The following CX3CR1 variants were observed in gnomAD, a reference collection of about 807,000 sequenced individuals.
CX3CR1 encodes C-X3-C motif chemokine receptor 1.
For synonymous variants in CX3CR1, 168 were observed against 178.5 expected (o/e 0.94, Z 0.47); for missense variants, 363 against 432.4 (o/e 0.84, Z 1.42).
At chr3:39,266,632 CACT>C in intron 1 of CX3CR1, 114 bp from the exon 2 acceptor site, 1 of 1,017,406 alleles carries the variant, frequency 9.8e-7, no homozygotes, top group Non-Finnish European at 1.6e-6. Context: ...GTTGGGTGCA[CACT>C]ACATTTCCCA....
At chr3:39,275,083 A>G (rs2040823994) in intron 1 of CX3CR1, among the ~76,000 whole-genome samples, 1 of 152,122 alleles carries the variant, frequency 6.6e-6, no homozygotes, top group Admixed American at 6.5e-5. Flanking sequence ...GCTGATCTCA[A>G]ATTCCTGACT....
upstream of CX3CR1, among the ~76,000 whole-genome samples, chr3:39,284,862 G>A (rs1252607281): frequency 6.6e-6 from 1 of 152,136 alleles, no homozygotes; most frequent in Non-Finnish European, 1.5e-5. Flanking sequence ...GGTGGAAGAC[G>A]GAGAAGGGAT....
At chr3:39,287,336 T>C in the CX3CR1 span, 1 of 152,260 alleles carries the variant, frequency 6.6e-6, no homozygotes, top group Non-Finnish European at 1.5e-5. Flanking sequence ...TTTTGCTGTT[T>C]ACTGTCGTGC....
At chr3:39,283,841 A>AC (rs71085352), upstream of CX3CR1, among the ~76,000 whole-genome samples, 1 of 109,892 alleles carries the variant, frequency 9.1e-6, no homozygotes, top group Non-Finnish European at 1.9e-5. Context: ...ATATATATAT[A>AC]ATGTGGTTAA....
At chr3:39,268,767 A>G (rs1472531112) in intron 1 of CX3CR1, among the ~76,000 whole-genome samples, 1 of 152,188 alleles carries the variant, frequency 6.6e-6, no homozygotes, top group Non-Finnish European at 1.5e-5. Context: ...CTCTGAGCCT[A>G]ACATTCCTTG....
chr3:39,269,531 A>C (rs890999728), intron 1 of CX3CR1, among the ~76,000 whole-genome samples: 1 of 152,234 alleles, frequency 6.6e-6, no homozygotes, highest in Admixed American at 6.5e-5. Flanking sequence ...AAGTGGGTGA[A>C]TGTATCTTCT....
Position 39,266,263 on chromosome 3 carries a change from T to A in CX3CR1, c.247A>T (p.Thr83Ser). Residue 83 changes from threonine to serine, a missense_variant, in exon 2 of 2, where the codon ACT becomes TCT. By Grantham distance (58) the Thr-to-Ser change is moderately conservative (BLOSUM62 1). Coordinates refer to ENST00000399220, the MANE Select transcript of CX3CR1 (RefSeq NM_001337.4). ...LALSDLLFVA[T>S]LPFWTHYLIN... ...AAATAGTGAGTCCAGAAGGGCAAAG[T>A]GGCTACAAACAGCAGATCAGACAAG... 6.2e-7 allele frequency: 1 copy of A among 1,614,156 alleles called. No individual in the cohort carries two copies. Among genetic ancestry groups the A allele is most frequent in the Non-Finnish European group, 8.5e-7 (1 of 1,180,030 alleles).
chr3:39,271,483 C>T (rs925356584), intron 1 of CX3CR1, among the ~76,000 whole-genome samples: 6 of 152,252 alleles, frequency 3.9e-5, no homozygotes, highest in Non-Finnish European at 5.9e-5. Flanking sequence ...CAGCTCTCCA[C>T]AGTCAGAAGA....
At chr3:39,274,371 G>A (rs907961927) in intron 1 of CX3CR1, among the ~76,000 whole-genome samples, 3 of 150,310 alleles carry the variant, frequency 2.0e-5, no homozygotes, top group African/African-American at 7.4e-5. Context: ...TAAATTCAGT[G>A]ACTATCTATT....
At chr3:39,277,062 C>A (rs2040847948) in intron 1 of CX3CR1, among the ~76,000 whole-genome samples, 1 of 152,190 alleles carries the variant, frequency 6.6e-6, no homozygotes, top group South Asian at 2.1e-4. Context: ...AAATACAACA[C>A]ACTGAAAAGA....
rs115019335 is a variant in CX3CR1 at position 39,275,782 on chromosome 3, A to C, written c.-10+4172T>G. Among the ~76,000 whole-genome samples the C allele has an allele frequency of 1.8e-3, 267 of 152,358 alleles. 2 individuals carry two copies. The highest frequency in any genetic ancestry group is 2.7e-3 in the Non-Finnish European group (182 of 68,036). On this transcript the variant is annotated intron_variant, in intron 1 of 1. Coordinates refer to ENST00000399220, the MANE Select transcript of CX3CR1 (RefSeq NM_001337.4). ...CACTGTGCTAGATTCTGTAGAGGCA[A>C]AAGTGTTTAAGATACAGTTCCTAGA...
Position 39,265,829 on chromosome 3 carries a change from G to A in CX3CR1, c.681C>T (p.Ala227=), listed in dbSNP as rs376609543. ...CCAGAAGGATCAGTTTAATGGCTTT[G>A]GCTTTCTTGTGGTTCTTGCAGGAAA... ...TLFSCKNHKK[A]KAIKLILLVV... is the part of the protein sequence containing the mutation. The change falls in exon 2 of 2, where the codon GCC becomes GCT. Residue 227 remains alanine (A), a synonymous_variant. Coordinates refer to ENST00000399220, the MANE Select transcript of CX3CR1 (RefSeq NM_001337.4). 4 of 1,614,056 alleles carry A rather than the reference G, an allele frequency of 2.5e-6. No individual in the cohort carries two copies. The African/African-American group carries it at 4.0e-5, about 16-fold the overall frequency.
chr3:39,279,943 T>G lies in CX3CR1; in HGVS notation c.-10+11A>C. On this transcript the variant is annotated intron_variant, in intron 1 of 1. Coordinates refer to ENST00000399220, the MANE Select transcript of CX3CR1 (RefSeq NM_001337.4). ...CCACCCACAGGTACCCAACTAGTCC[T>G]GTGCACCTACCTGGCGTGGACTGCC... 1.0e-6 allele frequency: 1 copy of G among 984,966 alleles called. No homozygotes were observed. The highest frequency in any genetic ancestry group is 1.2e-6 in the Non-Finnish European group (1 of 829,458). The allele number at this position is 984,966 out of a possible 1,614,324, so 61.0% of individuals were successfully genotyped here.
chr3:39,286,481 T>C (rs1412141956), upstream of CX3CR1: 1 of 151,232 alleles, frequency 6.6e-6, no homozygotes, highest in East Asian at 1.9e-4. Context: ...AAACCCCGTC[T>C]CTACTAAAAA....
At chr3:39,283,247 A>C (rs1282725122), upstream of CX3CR1, among the ~76,000 whole-genome samples, 1 of 152,132 alleles carries the variant, frequency 6.6e-6, no homozygotes. Flanking sequence ...AAGGAGGAGA[A>C]GTTATGTAAC....
intron 1 of CX3CR1, 191 bp from the exon 2 acceptor site, chr3:39,266,709 C>T (rs1213521542): frequency 1.3e-6 from 1 of 766,504 alleles, no homozygotes; most frequent in South Asian, 1.4e-5. Context: ...GCAACAGACT[C>T]TTCTGACAGG....
chr3:39,271,833 A>C (rs2040781568), intron 1 of CX3CR1, among the ~76,000 whole-genome samples: 1 of 152,204 alleles, frequency 6.6e-6, no homozygotes, highest in Admixed American at 6.5e-5. Flanking sequence ...CTTTTTAAGG[A>C]AGACTGAGCC....
upstream of CX3CR1, among the ~76,000 whole-genome samples, chr3:39,284,875 C>A (rs1197573067): frequency 6.6e-6 from 1 of 152,054 alleles, no homozygotes; most frequent in African/African-American, 2.4e-5. Flanking sequence ...GAAGGGATCT[C>A]GCTACAGGAA....
chr3:39,273,287 G>T (rs2040801728), intron 1 of CX3CR1, among the ~76,000 whole-genome samples: 2 of 152,206 alleles, frequency 1.3e-5, no homozygotes, highest in African/African-American at 4.8e-5. Context: ...ATGGAATGCG[G>T]GATATTATTT....
Sources: gnomAD v4.1 joint callset for allele counts (sites outside exome capture counted in the v4.1 genomes callset) on GRCh38, gnomAD v4.1.1 for gene constraint, MANE v1.5 for transcripts, NCBI Gene and HGNC (gene_info 2026-07-23, HGNC 2026-07-21) for gene names.